TNS1: variants seen among roughly 807,000 people sequenced by gnomAD.
The protein encoded by TNS1 is tensin 1.
A neutral mutation model predicts 168.6 loss-of-function variants in TNS1; 62 were observed. The ratio of observed to expected loss-of-function variants is 0.37; its 90% CI spans 0.30 to 0.45. The LOEUF (loss-of-function observed/expected upper bound fraction) is 0.45, where lower values mean the gene tolerates loss of function less well. TNS1 is among the 20% of genes least tolerant of loss of function. The pLI is 1.00. For synonymous variants in TNS1, 934 were observed against 933.2 expected (o/e 1.00, Z -0.02); for missense variants, 2,240 against 2,339.4 (o/e 0.96, Z 0.88).
chr2:217,848,443 C>A lies in TNS1; in HGVS notation c.2074G>T (p.Ala692Ser). ...GTGTGGCCAGCATGGGCAGGCCCCGCCCGGCTGGCAGACTCGTAGGGGTAG... is the reference window on the plus strand; with the variant it reads ...GTGTGGCCAGCATGGGCAGGCCCCGACCGGCTGGCAGACTCGTAGGGGTAG... ...GGYPYESASR[A>S]GPAHAGHTAP... The change falls in exon 19 of 33, where the codon GCG (alanine) becomes TCG (serine). Residue 692 changes from alanine to serine, a missense_variant. By Grantham distance (99) the Ala-to-Ser change is moderately conservative. Around this residue, in one of 2 missense-constraint regions of TNS1, gnomAD observed 2,131 missense variants for 2,171.2 expected, o/e 0.98. Transcript: ENST00000682258. 1 of 1,611,572 alleles carries A rather than the reference C, an allele frequency of 6.2e-7. No homozygotes were observed. Among genetic ancestry groups the A allele is most frequent in the Non-Finnish European group, 8.5e-7 (1 of 1,178,408 alleles).
intron 22 of TNS1, among the ~76,000 whole-genome samples, chr2:217,829,130 C>T (rs1253700247): frequency 6.6e-6 from 1 of 152,130 alleles, no homozygotes; most frequent in Non-Finnish European, 1.5e-5. Context: ...AATCCCAGCA[C>T]TTTGGGAGGC....
chr2:217,992,456 G>A (rs1230279130), intron 1 of TNS1: 1 of 152,308 alleles, frequency 6.6e-6, no homozygotes, highest in Non-Finnish European at 1.5e-5. Flanking sequence ...GTCCAGAGGA[G>A]GGAGAGTGAT....
intron 1 of TNS1, among the ~76,000 whole-genome samples, chr2:218,022,596 C>T (rs898005998): frequency 3.3e-5 from 5 of 151,630 alleles, no homozygotes; most frequent in African/African-American, 1.2e-4. Flanking sequence ...CTTGGGAGCA[C>T]AAATCCACAC....
intron 22 of TNS1, among the ~76,000 whole-genome samples, chr2:217,827,933 C>T (rs1293613050): frequency 1.3e-5 from 2 of 152,228 alleles, no homozygotes; most frequent in African/African-American, 2.4e-5. Flanking sequence ...ATAATCCACC[C>T]CATGGCCCTT....
intron 3 of TNS1, among the ~76,000 whole-genome samples, chr2:217,933,896 AG>A (rs1267756880): frequency 2.0e-5 from 3 of 152,208 alleles, no homozygotes; most frequent in Non-Finnish European, 4.4e-5. Flanking sequence ...ATGGGGTGGA[AG>A]CACAGGTAGC....
At chr2:217,874,023 AAC>A (rs3838561) in intron 18 of TNS1, among the ~76,000 whole-genome samples, 39,516 of 110,938 alleles carry the variant, frequency 0.36, 6,462 homozygotes, top group South Asian at 0.39. Context: ...CCCCCCAACC[AAC>A]ACACACACAC....
rs769237174 is a variant in TNS1, at chr2:217,848,717, G to A, written c.1800C>T (p.Ser600=). The A allele has an allele frequency of 6.8e-6, 11 of 1,614,228 alleles. No homozygotes were observed. Among genetic ancestry groups the A allele is most frequent in the Non-Finnish European group, 9.3e-6 (11 of 1,180,034 alleles). ...SRPAGGSAVP[S]SGRHVVPAQV... ...GGGCTGGGACAACGTGGCGTCCAGA[G>A]GAGGGCACAGCCGAGCCCCCTGCTG... Residue 600 remains serine, a synonymous_variant, in exon 19 of 33, where the codon TCC becomes TCT. Coordinates refer to ENST00000682258, the MANE Select transcript of TNS1 (RefSeq NM_001387777.1).
chr2:217,886,552 T>G lies in TNS1; in HGVS notation c.961A>C (p.Asn321His), dbSNP rs945485383. The change falls in exon 13 of 33, where the codon AAC (asparagine) becomes CAC (histidine). Residue 321 changes from asparagine to histidine, a missense_variant. By Grantham distance (68) the Asn-to-His change is moderately conservative. Coordinates refer to ENST00000682258, the MANE Select transcript of TNS1 (RefSeq NM_001387777.1). ...CAGGTACCTCCTTTAGACTCAAAGT[T>G]GGGGATGCCGTGCATGATCACGTGG... Reference protein sequence around the residue: ...LHHVIMHGIPNFESKGGCRPF... With the variant: ...LHHVIMHGIPHFESKGGCRPF... The G allele has an allele frequency of 2.5e-6, 4 of 1,601,932 alleles. No homozygotes were observed. The highest frequency in any genetic ancestry group is 3.4e-6 in the Non-Finnish European group (4 of 1,174,570).
At chr2:217,912,985 A>G (rs1345035412) in intron 4 of TNS1, among the ~76,000 whole-genome samples, 2 of 152,106 alleles carry the variant, frequency 1.3e-5, no homozygotes, top group African/African-American at 4.8e-5. Flanking sequence ...TGGCCGCTCA[A>G]TGTGAGATCA....
At chr2:217,833,140 C>G (rs1944683287) in intron 21 of TNS1, among the ~76,000 whole-genome samples, 1 of 152,204 alleles carries the variant, frequency 6.6e-6, no homozygotes, top group South Asian at 2.1e-4. Context: ...CACGAAGCAG[C>G]CCCAGCCCAC....
intron 4 of TNS1, 76 bp downstream of exon 4, chr2:217,920,119 C>A: frequency 1.4e-6 from 1 of 702,728 alleles, no homozygotes; most frequent in Non-Finnish European, 2.6e-6. Context: ...ATATTTGGGT[C>A]TAAAGAAAGC....
At chr2:217,869,139 C>G (rs1949544240) in intron 18 of TNS1, among the ~76,000 whole-genome samples, 1 of 152,204 alleles carries the variant, frequency 6.6e-6, no homozygotes, top group Admixed American at 6.5e-5. Flanking sequence ...AGACAGAAAG[C>G]AGGGACTCAG....
chr2:218,025,982 G>A (rs1405491005), intron 1 of TNS1, among the ~76,000 whole-genome samples: 14 of 152,094 alleles, frequency 9.2e-5, no homozygotes, highest in Admixed American at 8.5e-4. Context: ...GTTACATTGC[G>A]GTGTGAGGCT....
At chr2:217,857,471 T>C (rs1365375876) in intron 18 of TNS1, among the ~76,000 whole-genome samples, 2 of 152,188 alleles carry the variant, frequency 1.3e-5, no homozygotes, top group Non-Finnish European at 2.9e-5. Context: ...CAACTATGTC[T>C]GTGGACCCAG....
chr2:217,800,026 G>GT lies in TNS1; in HGVS notation c.*4432dup, dbSNP rs1222186324. The GT allele has an allele frequency of 2.6e-5, 4 of 152,186 alleles. No homozygotes were observed. The highest frequency in any genetic ancestry group is 5.9e-5 in the Non-Finnish European group (4 of 68,034). The allele number at this position is 152,186 out of a possible 1,614,324, so 9.4% of individuals were successfully genotyped here. ...GTGGGGAAGGATGCTGGGTGATCTT[G>GT]TTTCCCCCGCAGAGGGCCTGGGAGG... On this transcript the variant is annotated 3_prime_UTR_variant, in exon 33 of 33. Transcript: ENST00000682258.
intron 3 of TNS1, among the ~76,000 whole-genome samples, chr2:217,939,378 G>T (rs1575118375): frequency 6.6e-6 from 1 of 152,320 alleles, no homozygotes; most frequent in East Asian, 1.9e-4. Flanking sequence ...CCATTAGCCA[G>T]CCATCCATGT....
intron 16 of TNS1, among the ~76,000 whole-genome samples, chr2:217,883,223 T>C (rs1329614181): frequency 6.6e-6 from 1 of 152,220 alleles, no homozygotes; most frequent in African/African-American, 2.4e-5. Flanking sequence ...ATTTATGCTA[T>C]TGATTATCTT....
chr2:217,968,885 G>A (rs1451555441), intron 3 of TNS1, among the ~76,000 whole-genome samples: 1 of 152,074 alleles, frequency 6.6e-6, no homozygotes, highest in Non-Finnish European at 1.5e-5. Context: ...AGTAGAGATG[G>A]GGTTTCACCA....
chr2:217,897,776 G>T (rs1952475684), intron 8 of TNS1, 22 bp downstream of exon 8: 2 of 1,573,326 alleles, frequency 1.3e-6, no homozygotes, highest in Non-Finnish European at 8.6e-7. Context: ...ACAGGACAGT[G>T]GGCACGAGGA....
Sources: gnomAD v4.1 joint callset for allele counts (sites outside exome capture counted in the v4.1 genomes callset) on GRCh38, gnomAD v4.1.1 for gene constraint, gnomAD v4.1.1 regional missense constraint, MANE v1.5 for transcripts, NCBI Gene and HGNC (gene_info 2026-07-23, HGNC 2026-07-21) for gene names.